Variants in DPP6 observed in about 807,000 individuals in gnomAD.
DPP6 encodes dipeptidyl peptidase like 6, also known as A-type potassium channel modulatory protein DPP6.
In DPP6, 69 loss-of-function variants were observed where a neutral mutation model predicts 122.6. That is an observed-to-expected ratio of 0.56 (90% CI 0.46 to 0.69). The LOEUF (loss-of-function observed/expected upper bound fraction) is 0.69, where lower values mean the gene tolerates loss of function less well. Among genes scored for constraint, DPP6 ranks in the 30% least tolerant of loss-of-function variants. The pLI is 0.00. For missense variants in DPP6, 928 were observed against 1,116.9 expected (o/e 0.83, Z 2.41); for synonymous variants, 418 against 433.1 (o/e 0.97, Z 0.43).
intron 16 of DPP6, among the ~76,000 whole-genome samples, chr7:154,832,991 A>G (rs1800751412): frequency 6.6e-6 from 1 of 152,254 alleles, no homozygotes; most frequent in Non-Finnish European, 1.5e-5. Flanking sequence ...GGCAGATGCC[A>G]GGCAGAATGC....
chr7:154,484,170 G>C (rs1185419084), intron 3 of DPP6, among the ~76,000 whole-genome samples: 1 of 151,962 alleles, frequency 6.6e-6, no homozygotes, highest in Non-Finnish European at 1.5e-5. Context: ...GCAGACTATA[G>C]TAGGGGAAAG....
Position 154,143,629 on chromosome 7 carries a change from A to G in DPP6, c.243+90566A>G, listed in dbSNP as rs1014042472. 2.0e-5 allele frequency among the ~76,000 whole-genome samples: 3 copies of G among 152,320 alleles called. No individual in the cohort carries two copies. In the South Asian group the frequency reaches 6.2e-4, roughly 32 times the overall value. On this transcript the variant is annotated intron_variant, in intron 1 of 25. Coordinates refer to ENST00000377770, the MANE Select transcript of DPP6 (RefSeq NM_130797.4). ...GGCATCTATAGTCCAACTTAGCTCT[A>G]TGTTTATTTAACTACATTTATGCAT...
chr7:154,740,568 C>G (rs987314672), intron 8 of DPP6, among the ~76,000 whole-genome samples: 2 of 152,242 alleles, frequency 1.3e-5, no homozygotes, highest in Non-Finnish European at 2.9e-5. Flanking sequence ...TAATGCTAAA[C>G]TCCTTTCCGT....
intron 1 of DPP6, among the ~76,000 whole-genome samples, chr7:154,010,532 A>G (rs1474644992): frequency 1.3e-5 from 2 of 152,264 alleles, no homozygotes; most frequent in Non-Finnish European, 2.9e-5. Flanking sequence ...ATCTACGTGC[A>G]TGTCAATATT....
At chr7:154,512,626 C>CCCGATCAAT (rs1322401572) in intron 3 of DPP6, among the ~76,000 whole-genome samples, 1 of 152,064 alleles carries the variant, frequency 6.6e-6, no homozygotes, top group East Asian at 1.9e-4. Flanking sequence ...ACCTTTTGTG[C>CCCGATCAAT]CCGATCAATA....
At chr7:154,548,689 C>T (rs1169874265) in intron 4 of DPP6, among the ~76,000 whole-genome samples, 1 of 152,028 alleles carries the variant, frequency 6.6e-6, no homozygotes, top group Non-Finnish European at 1.5e-5. Context: ...TGTGCAAGGC[C>T]CTGACTAGAC....
intron 7 of DPP6, among the ~76,000 whole-genome samples, chr7:154,726,181 G>A (rs1842056822): frequency 1.3e-5 from 2 of 152,204 alleles, no homozygotes; most frequent in African/African-American, 4.8e-5. Context: ...TCTAGGGTCT[G>A]GAAGACAGTG....
chr7:154,695,855 C>G (rs978071114), intron 7 of DPP6, among the ~76,000 whole-genome samples: 1 of 152,184 alleles, frequency 6.6e-6, no homozygotes, highest in East Asian at 1.9e-4. Flanking sequence ...TCAATGGGCA[C>G]TGGGGCAACC....
At chr7:154,031,287 G>A (rs889675505) in intron 1 of DPP6, among the ~76,000 whole-genome samples, 1 of 148,656 alleles carries the variant, frequency 6.7e-6, no homozygotes, top group African/African-American at 2.5e-5. Context: ...ATGCCAAGAG[G>A]CCCTCCCTAA....
chr7:154,540,482 GA>G (rs1383010575), intron 3 of DPP6, 49 bp from the exon 4 acceptor site: 2 of 1,156,692 alleles, frequency 1.7e-6, no homozygotes, highest in East Asian at 4.8e-5. Flanking sequence ...AAAAGTTGAG[GA>G]GAGTTCCTTG....
chr7:154,051,718 C>G (rs1461432310), upstream of DPP6, among the ~76,000 whole-genome samples: 1 of 151,066 alleles, frequency 6.6e-6, no homozygotes, highest in Non-Finnish European at 1.5e-5. Flanking sequence ...CAGCCGGGCT[C>G]TCTGCGGGGC....
At chr7:154,391,469 C>G (rs1027856734) in intron 1 of DPP6, among the ~76,000 whole-genome samples, 1 of 152,192 alleles carries the variant, frequency 6.6e-6, no homozygotes, top group South Asian at 2.1e-4. Flanking sequence ...TCTGAATGTG[C>G]GTCTTTCCAG....
the DPP6 span, among the ~76,000 whole-genome samples, chr7:153,876,121 A>G: frequency 1.1e-4 from 17 of 152,192 alleles, 1 homozygote; most frequent in Admixed American, 9.8e-4. Flanking sequence ...ACTGGTATGC[A>G]CCTAATAATA....
intron 1 of DPP6, among the ~76,000 whole-genome samples, chr7:154,309,912 G>A (rs1176415076): frequency 2.0e-5 from 3 of 152,070 alleles, no homozygotes; most frequent in Non-Finnish European, 4.4e-5. Context: ...TTCCATCTGT[G>A]CATGGTCTAA....
chr7:154,206,632 T>C (rs1799464152), intron 1 of DPP6, among the ~76,000 whole-genome samples: 1 of 152,170 alleles, frequency 6.6e-6, no homozygotes, highest in Non-Finnish European at 1.5e-5. Flanking sequence ...TGTATAAAGT[T>C]GACCGCTTTC....
intron 1 of DPP6, among the ~76,000 whole-genome samples, chr7:154,141,983 A>C (rs1795871059): frequency 6.6e-6 from 1 of 152,224 alleles, no homozygotes; most frequent in Non-Finnish European, 1.5e-5. Context: ...AAAGGAGCTA[A>C]ACCTTAAAAC....
intron 1 of DPP6, among the ~76,000 whole-genome samples, chr7:154,352,233 G>A (rs1418371940): frequency 6.6e-6 from 1 of 152,150 alleles, no homozygotes; most frequent in Non-Finnish European, 1.5e-5. Context: ...GGAGGCCGAG[G>A]TGGGCAGATC....
chr7:154,472,687 A>G (rs1822384323), intron 2 of DPP6, among the ~76,000 whole-genome samples: 1 of 152,204 alleles, frequency 6.6e-6, no homozygotes, highest in South Asian at 2.1e-4. Flanking sequence ...AATGAATCAA[A>G]TGATAAACCA....
intron 1 of DPP6, among the ~76,000 whole-genome samples, chr7:153,907,964 A>G (rs143069641): frequency 6.6e-6 from 1 of 151,984 alleles, no homozygotes; most frequent in African/African-American, 2.4e-5. Context: ...ATGGAAATAG[A>G]CACAGATTTG....
Sources: allele counts gnomAD v4.1 joint callset (sites outside exome capture counted in the v4.1 genomes callset), GRCh38; gene constraint gnomAD v4.1.1; transcripts MANE v1.5; gene names NCBI Gene and HGNC (gene_info 2026-07-23, HGNC 2026-07-21).